TENM4: variants seen among roughly 807,000 people sequenced by gnomAD.
The protein encoded by TENM4 is teneurin-4.
TENM4 carries 82 observed loss-of-function variants against 243.3 expected under a neutral mutation model. The observed-to-expected ratio is 0.34, with a 90% CI of 0.28 to 0.40. The LOEUF is 0.40. Among genes scored for constraint, TENM4 ranks in the 10% least tolerant of loss-of-function variants. The probability of loss-of-function intolerance (pLI) is 1.00; values close to 1 mark genes in which losing one functional copy is unlikely to be tolerated. For missense variants in TENM4, 3,138 were observed against 3,673.3 expected (o/e 0.85, Z 3.77); for synonymous variants, 1,412 against 1,456.3 (o/e 0.97, Z 0.69).
chr11:78,984,444 C>T (rs1328128402), intron 6 of TENM4, among the ~76,000 whole-genome samples: 1 of 152,150 alleles, frequency 6.6e-6, no homozygotes, highest in Non-Finnish European at 1.5e-5. Context: ...CATTTGGGAT[C>T]AGAGTCCCAC....
intron 4 of TENM4, among the ~76,000 whole-genome samples, chr11:79,082,821 AG>A (rs780711638): frequency 3.3e-4 from 51 of 152,320 alleles, no homozygotes; most frequent in Non-Finnish European, 5.6e-4. Flanking sequence ...AAAGGGGTGG[AG>A]GAAAAGGCCC....
intron 9 of TENM4, among the ~76,000 whole-genome samples, chr11:78,885,488 G>A (rs1043692947): frequency 6.6e-6 from 1 of 152,274 alleles, no homozygotes; most frequent in Non-Finnish European, 1.5e-5. Context: ...CCATGGGCAA[G>A]CCTCTGGCTT....
chr11:79,408,922 T>G (rs536756632), intron 1 of TENM4, among the ~76,000 whole-genome samples: 1 of 152,294 alleles, frequency 6.6e-6, no homozygotes, highest in East Asian at 1.9e-4. Context: ...ATAGCAGAAT[T>G]AATAATTATC....
At chr11:79,398,736 TTAAAAAAAAAA>T (rs1858397191) in intron 1 of TENM4, among the ~76,000 whole-genome samples, 1 of 102,216 alleles carries the variant, frequency 9.8e-6, no homozygotes, top group Non-Finnish European at 2.0e-5. Context: ...GTCAGATGCT[TTAAAAAAAAAA>T]AAAAAAAAAA....
intron 2 of TENM4, among the ~76,000 whole-genome samples, chr11:79,274,260 C>G (rs1369414873): frequency 2.0e-5 from 3 of 152,246 alleles, no homozygotes; most frequent in Non-Finnish European, 1.5e-5. Flanking sequence ...TATTGGCGAC[C>G]AAATTTGCTC....
chr11:79,169,922 C>A (rs1257897875), intron 3 of TENM4, among the ~76,000 whole-genome samples: 7 of 152,154 alleles, frequency 4.6e-5, no homozygotes, highest in African/African-American at 1.4e-4. Context: ...GGGACCCTGA[C>A]AGATTAATTT....
chr11:79,208,744 A>C (rs545962928), intron 3 of TENM4, among the ~76,000 whole-genome samples: 1 of 152,230 alleles, frequency 6.6e-6, no homozygotes, highest in East Asian at 1.9e-4. Context: ...GGTGGCTGAC[A>C]TCTAATAGGC....
chr11:78,769,295 A>G (rs1785808), intron 18 of TENM4, among the ~76,000 whole-genome samples: 133,422 of 152,234 alleles, frequency 0.88, 59,199 homozygotes, highest in African/African-American at 0.94. Context: ...ATGGGTGCTT[A>G]GTGCCCTTCC....
chr11:78,686,823 G>A (rs1371884838), intron 29 of TENM4, among the ~76,000 whole-genome samples: 2 of 152,136 alleles, frequency 1.3e-5, no homozygotes, highest in Non-Finnish European at 2.9e-5. Flanking sequence ...TCCAGCGTGT[G>A]GTTTCTCTTT....
At chr11:79,255,767 C>T (rs1045438442) in intron 2 of TENM4, among the ~76,000 whole-genome samples, 2 of 152,234 alleles carry the variant, frequency 1.3e-5, no homozygotes, top group African/African-American at 2.4e-5. Context: ...TTGTCCCTAA[C>T]ACAATCTTGT....
At chr11:79,244,016 C>T (rs1469161559) in intron 2 of TENM4, among the ~76,000 whole-genome samples, 1 of 152,172 alleles carries the variant, frequency 6.6e-6, no homozygotes, top group African/African-American at 2.4e-5. Context: ...CTGATGCTCC[C>T]GGTCCCAGGA....
At chr11:79,034,742 T>C (rs1040756217) in intron 6 of TENM4, among the ~76,000 whole-genome samples, 6 of 152,140 alleles carry the variant, frequency 3.9e-5, no homozygotes, top group African/African-American at 1.4e-4. Flanking sequence ...GGTGAGCACA[T>C]GGCTGTGGGA....
chr11:79,197,509 T>A (rs771599301), intron 3 of TENM4, among the ~76,000 whole-genome samples: 2 of 152,170 alleles, frequency 1.3e-5, no homozygotes, highest in Non-Finnish European at 2.9e-5. Flanking sequence ...CAGGTCCATC[T>A]GACCCCCAAG....
chr11:79,058,128 A>G (rs759459082), intron 6 of TENM4, among the ~76,000 whole-genome samples: 6 of 152,156 alleles, frequency 3.9e-5, no homozygotes, highest in African/African-American at 7.2e-5. Flanking sequence ...AGTTTCTAAT[A>G]TTGACAAAGA....
chr11:78,837,164 C>A (rs548751646), intron 12 of TENM4, among the ~76,000 whole-genome samples: 2 of 152,150 alleles, frequency 1.3e-5, no homozygotes, highest in Admixed American at 6.5e-5. Flanking sequence ...AATTCCCATA[C>A]GTTGTGGGAG....
At chr11:79,389,474 T>C (rs1170867329) in intron 1 of TENM4, among the ~76,000 whole-genome samples, 2 of 152,212 alleles carry the variant, frequency 1.3e-5, no homozygotes, top group Non-Finnish European at 2.9e-5. Context: ...AAGTGTTTAA[T>C]GGGCCTAGGC....
At chr11:78,904,610 T>G (rs1856022768) in intron 6 of TENM4, among the ~76,000 whole-genome samples, 1 of 152,124 alleles carries the variant, frequency 6.6e-6, no homozygotes, top group Non-Finnish European at 1.5e-5. Context: ...CTTCTACAAG[T>G]GTAAATTCAG....
At chr11:79,193,359 C>G (rs1210748557) in intron 3 of TENM4, among the ~76,000 whole-genome samples, 1 of 152,208 alleles carries the variant, frequency 6.6e-6, no homozygotes, top group Non-Finnish European at 1.5e-5. Flanking sequence ...AATGCTGCCT[C>G]CCATCAGGAT....
Position 78,729,649 on chromosome 11 carries a change from A to G in TENM4, c.3139-6T>C, listed in dbSNP as rs1210272774. 6.2e-7 allele frequency: 1 copy of G among 1,602,762 alleles called. No homozygotes were observed. ...GAGATTTCCTCCTGCAAAGCCTAGA[A>G]AGCAGAGGCAGATCACAGCAAGGGA... On this transcript the variant is annotated splice_polypyrimidine_tract_variant and splice_region_variant and intron_variant, in intron 21 of 33. Transcript: ENST00000278550.
Sources: allele counts gnomAD v4.1 joint callset (sites outside exome capture counted in the v4.1 genomes callset), GRCh38; gene constraint gnomAD v4.1.1; transcripts MANE v1.5; gene names NCBI Gene and HGNC (gene_info 2026-07-23, HGNC 2026-07-21).